The following ARID4B variants were observed in gnomAD, a reference collection of about 807,000 sequenced individuals.
ARID4B encodes AT-rich interaction domain 4B.
In ARID4B, 26 loss-of-function variants were observed where a neutral mutation model predicts 147.5. The observed-to-expected ratio is 0.18, with a 90% CI of 0.13 to 0.24. ARID4B has a LOEUF of 0.24. ARID4B is among the 10% of genes least tolerant of loss of function. ARID4B has a pLI of 1.00. For synonymous variants in ARID4B, 512 were observed against 507.9 expected (o/e 1.01, Z -0.11); for missense variants, 1,179 against 1,511.5 (o/e 0.78, Z 3.65).
At chr1:235,219,207 G>A (rs1301144841) in intron 16 of ARID4B, among the ~76,000 whole-genome samples, 7 of 151,876 alleles carry the variant, frequency 4.6e-5, no homozygotes, top group Admixed American at 4.6e-4. Flanking sequence ...TTATTTAAAT[G>A]AGACACTAAC....
intron 2 of ARID4B, among the ~76,000 whole-genome samples, chr1:235,318,149 G>C (rs1032615261): frequency 2.2e-5 from 3 of 138,058 alleles, no homozygotes; most frequent in African/African-American, 7.9e-5. Flanking sequence ...AAAGAGCATA[G>C]TATTAACACT....
intron 17 of ARID4B, among the ~76,000 whole-genome samples, chr1:235,196,318 A>G (rs995078185): frequency 6.6e-6 from 1 of 152,236 alleles, no homozygotes; most frequent in Admixed American, 6.5e-5. Flanking sequence ...ACTTAAAGTT[A>G]GCTACTGGCC....
intron 17 of ARID4B, among the ~76,000 whole-genome samples, chr1:235,199,547 T>C (rs1162841568): frequency 6.6e-6 from 1 of 152,182 alleles, no homozygotes; most frequent in Non-Finnish European, 1.5e-5. Context: ...AAAGCACTCC[T>C]GTGGAGAATT....
At position 235,187,257 on chromosome 1, in the gene ARID4B, T is replaced by C. The variant is rs186944962; in HGVS notation, c.2126-4464A>G. 6.7e-4 allele frequency: 137 copies of C among 203,784 alleles called. 1 individual carries two copies. The highest frequency in any genetic ancestry group is 4.4e-3 in the Middle Eastern group (2 of 450). The allele number at this position is 203,784 out of a possible 1,614,324, so 12.6% of individuals were successfully genotyped here. A position where few individuals can be genotyped will look rare whatever the true frequency, so the allele number is the denominator to read the frequency against. ...CCACCACACCCGGCTAACTGTTTTC[T>C]ATTTTCAGTAGAGACGAGGTTTCTC... is the stretch of plus-strand genomic sequence containing the variant. On this transcript the variant is annotated intron_variant, in intron 19 of 23. Transcript: ENST00000264183.
chr1:235,191,215 C>T (rs1665080865), intron 19 of ARID4B, among the ~76,000 whole-genome samples: 1 of 151,760 alleles, frequency 6.6e-6, no homozygotes. Context: ...CACACTCCCA[C>T]ATAACATCCA....
In ARID4B at chr1:235,311,022, T is replaced by G. The variant is rs532464562; in HGVS notation, c.6+15892A>C. Among the ~76,000 whole-genome samples, 8 of 152,198 alleles carry G rather than the reference T, an allele frequency of 5.3e-5. 1 individual carries two copies. The South Asian group carries it at 1.7e-3, about 32-fold the overall frequency. ...CTAACAGGGATCCCAAAGAACAGCATAAGCTTTTTTAGAACCAGCCATATA... is the reference window on the plus strand; with the variant it reads ...CTAACAGGGATCCCAAAGAACAGCAGAAGCTTTTTTAGAACCAGCCATATA... On this transcript the variant is annotated intron_variant, in intron 2 of 23. Coordinates refer to ENST00000264183, the MANE Select transcript of ARID4B (RefSeq NM_016374.6).
intron 6 of ARID4B, among the ~76,000 whole-genome samples, chr1:235,247,617 G>C (rs994754550): frequency 4.6e-5 from 7 of 152,054 alleles, no homozygotes; most frequent in Non-Finnish European, 8.8e-5. Context: ...CTCTCATAGG[G>C]CAAAAAATCT....
intron 17 of ARID4B, among the ~76,000 whole-genome samples, chr1:235,200,737 T>C (rs189213911): frequency 4.8e-4 from 73 of 152,312 alleles, no homozygotes; most frequent in African/African-American, 1.7e-3. Flanking sequence ...ATTTAGTATA[T>C]ATTAAAAAGA....
chr1:235,214,681 AAACTTC>A (rs1390811766), intron 16 of ARID4B, among the ~76,000 whole-genome samples: 2 of 152,130 alleles, frequency 1.3e-5, no homozygotes, highest in East Asian at 3.8e-4. Context: ...TCTTTCCTTT[AAACTTC>A]AACACAATTT....
chr1:235,327,126 C>T, intron 1 of ARID4B, 158 bp from the exon 2 acceptor site: 1 of 586,366 alleles, frequency 1.7e-6, no homozygotes, highest in Admixed American at 3.1e-5. Flanking sequence ...GGGCTCCCTC[C>T]GGCCCCGCCA....
chr1:235,312,272 G>A (rs1450800135), intron 2 of ARID4B, among the ~76,000 whole-genome samples: 1 of 151,748 alleles, frequency 6.6e-6, no homozygotes, highest in South Asian at 2.1e-4. Context: ...GTGACAGAGC[G>A]ACAGTCCGTC....
chr1:235,237,775 C>A (rs985253717), intron 8 of ARID4B, among the ~76,000 whole-genome samples: 5 of 152,154 alleles, frequency 3.3e-5, no homozygotes, highest in Non-Finnish European at 7.3e-5. Context: ...TAAGTCTCTG[C>A]AATTGTTAGT....
chr1:235,243,603 A>G (rs913582169), intron 7 of ARID4B, among the ~76,000 whole-genome samples: 22 of 152,122 alleles, frequency 1.4e-4, no homozygotes, highest in African/African-American at 5.3e-4. Flanking sequence ...ATTAACTCTA[A>G]TTAGTTGTAA....
At chr1:235,308,304 G>C (rs1036572871) in intron 2 of ARID4B, among the ~76,000 whole-genome samples, 8 of 151,866 alleles carry the variant, frequency 5.3e-5, no homozygotes, top group Non-Finnish European at 1.0e-4. Flanking sequence ...GGGTTTCGCT[G>C]TGTTGGCCAG....
intron 8 of ARID4B, among the ~76,000 whole-genome samples, chr1:235,236,860 A>ATGTG (rs1484671527): frequency 1.5e-4 from 3 of 20,420 alleles, no homozygotes; most frequent in Admixed American, 1.1e-3. Context: ...ATATATATAT[A>ATGTG]TATTTTTTTT....
At chr1:235,182,877 G>A (rs968677740) in intron 19 of ARID4B, 84 bp from the exon 20 acceptor site, 14 of 1,374,694 alleles carry the variant, frequency 1.0e-5, no homozygotes, top group Non-Finnish European at 1.3e-5. Flanking sequence ...TATATATTAG[G>A]TCCTGTGTAT....
intron 2 of ARID4B, among the ~76,000 whole-genome samples, chr1:235,276,971 C>G (rs1447789813): frequency 1.3e-5 from 2 of 148,572 alleles, no homozygotes; most frequent in African/African-American, 2.5e-5. Context: ...TGCAATCAAG[C>G]CTAGGTGATG....
rs1175996354 is a variant in ARID4B at position 235,230,594 on chromosome 1, T to TAAAAAAAAAAAA, written c.742+507_742+518dup. Among the ~76,000 whole-genome samples, 107 of 58,378 alleles carry TAAAAAAAAAAAA rather than the reference T, an allele frequency of 1.8e-3. 1 individual carries two copies. The highest frequency in any genetic ancestry group is 6.7e-3 in the African/African-American group (101 of 14,990). 38.3% of individuals were successfully genotyped at this position (58,378 alleles called of 152,430 possible). On this transcript the variant is annotated intron_variant, in intron 10 of 23. Transcript: ENST00000264183. Reference sequence around the variant, plus strand: ...TAGATTATTATGCCTGACTATAAGCTAAAAAAAAAAAAAAAAAAAAAACCA... The same window carrying TAAAAAAAAAAAA: ...TAGATTATTATGCCTGACTATAAGCTAAAAAAAAAAAAAAAAAAAAAAAAAAAAAAAAAACCA...
chr1:235,219,514 G>A (rs989292835), intron 16 of ARID4B, among the ~76,000 whole-genome samples: 3 of 152,048 alleles, frequency 2.0e-5, no homozygotes, highest in African/African-American at 7.2e-5. Flanking sequence ...ATATTATCAA[G>A]TAATTCAGCA....
Sources: allele counts gnomAD v4.1 joint callset (sites outside exome capture counted in the v4.1 genomes callset), GRCh38; gene constraint gnomAD v4.1.1; transcripts MANE v1.5; gene names NCBI Gene and HGNC (gene_info 2026-07-23, HGNC 2026-07-21).